COMMD10: variants seen among roughly 807,000 people sequenced by gnomAD.
COMMD10 encodes the protein COMM domain containing 10.
In COMMD10, 33 loss-of-function variants were observed where a neutral mutation model predicts 28.9. The observed-to-expected ratio is 1.14, with a 90% CI of 0.87 to 1.53. The LOEUF (loss-of-function observed/expected upper bound fraction) is 1.53, where lower values mean the gene tolerates loss of function less well. COMMD10 is among the 40% of genes most tolerant of loss of function. The pLI, the probability that COMMD10 is intolerant of heterozygous loss-of-function variation, is 0.00. For missense variants in COMMD10, 310 were observed against 233.4 expected, an observed-to-expected ratio of 1.33 and a Z score of -2.14; for synonymous variants, 110 against 81.7, an observed-to-expected ratio of 1.35 and a Z score of -1.87.
chr5:116,235,223 CAG>C (rs1749630716), intron 5 of COMMD10, among the ~76,000 whole-genome samples: 1 of 152,098 alleles, frequency 6.6e-6, no homozygotes. Context: ...TAGTCAAAAA[CAG>C]AGAACAGATT....
chr5:116,272,890 TA>T (rs1453861007), intron 5 of COMMD10, among the ~76,000 whole-genome samples: 4 of 151,880 alleles, frequency 2.6e-5, no homozygotes, highest in Admixed American at 1.3e-4. Context: ...TGAACAAGAT[TA>T]TTTTTTTCCT....
At chr5:116,292,348 C>T (rs1751386333) in intron 6 of COMMD10, 103 bp from the exon 7 acceptor site, 2 of 564,284 alleles carry the variant, frequency 3.5e-6, no homozygotes, top group Non-Finnish European at 5.9e-6. Context: ...TCATAGTTAC[C>T]AGTGCTATTT....
chr5:116,202,221 A>T (rs1440637794), intron 5 of COMMD10, among the ~76,000 whole-genome samples: 1 of 151,728 alleles, frequency 6.6e-6, no homozygotes, highest in African/African-American at 2.4e-5. Flanking sequence ...TGAACTCATC[A>T]TTTTTATGGC....
In COMMD10 at chr5:116,199,107, C is replaced by A. The variant is rs73257281; in HGVS notation, c.510+64929C>A. On this transcript the variant is annotated intron_variant, in intron 5 of 6. Transcript: ENST00000274458. ...AATGAGGGTTCTTGTTGCTCCTTAT[C>A]CTCACCATCATTTGGTGGTGTCAGT... 7.9e-3 allele frequency among the ~76,000 whole-genome samples: 1,207 copies of A among 152,226 alleles called. 15 individuals carry two copies. Among genetic ancestry groups the A allele is most frequent in the African/African-American group, 0.027 (1,115 of 41,574 alleles).
At chr5:116,167,399 G>T (rs1753160435) in intron 5 of COMMD10, among the ~76,000 whole-genome samples, 1 of 152,118 alleles carries the variant, frequency 6.6e-6, no homozygotes, top group Non-Finnish European at 1.5e-5. Context: ...GGGGAGAATG[G>T]AACCAAGTTG....
intron 5 of COMMD10, among the ~76,000 whole-genome samples, chr5:116,160,351 C>T (rs1752876113): frequency 1.3e-5 from 2 of 152,156 alleles, no homozygotes; most frequent in Admixed American, 6.5e-5. Context: ...TTTGTTCCTG[C>T]ATTTGGCAAT....
intron 5 of COMMD10, among the ~76,000 whole-genome samples, chr5:116,217,450 A>G (rs1749135208): frequency 6.6e-6 from 1 of 152,244 alleles, no homozygotes; most frequent in Admixed American, 6.5e-5. Context: ...GTTGTTTAAC[A>G]ACTTTTCACA....
chr5:116,176,551 C>T (rs1753519529), intron 5 of COMMD10, among the ~76,000 whole-genome samples: 1 of 152,054 alleles, frequency 6.6e-6, no homozygotes, highest in Non-Finnish European at 1.5e-5. Context: ...TCCCTAAGTT[C>T]ATGTTATTAA....
intron 5 of COMMD10, among the ~76,000 whole-genome samples, chr5:116,150,541 G>C (rs1401726938): frequency 1.4e-5 from 2 of 142,872 alleles, no homozygotes; most frequent in East Asian, 2.0e-4. Flanking sequence ...GTTGAGCAGT[G>C]GTTTGTAGTT....
At chr5:116,152,113 T>C (rs923317703) in intron 5 of COMMD10, among the ~76,000 whole-genome samples, 3 of 152,188 alleles carry the variant, frequency 2.0e-5, no homozygotes, top group African/African-American at 7.2e-5. Flanking sequence ...TTTTGTTATG[T>C]ACCCAGTAGT....
chr5:116,242,315 T>C (rs761499880), intron 5 of COMMD10, among the ~76,000 whole-genome samples: 27 of 152,230 alleles, frequency 1.8e-4, no homozygotes, highest in Non-Finnish European at 3.7e-4. Flanking sequence ...AAATTGCCTT[T>C]GTCAGGTTTT....
intron 4 of COMMD10, among the ~76,000 whole-genome samples, chr5:116,117,584 C>T (rs992779189): frequency 1.3e-5 from 2 of 152,184 alleles, no homozygotes; most frequent in African/African-American, 4.8e-5. Flanking sequence ...GTGTCTCAGC[C>T]TCCCGAGTAG....
chr5:116,182,210 G>A lies in COMMD10; in HGVS notation c.510+48032G>A, dbSNP rs568799853. On this transcript the variant is annotated intron_variant, in intron 5 of 6. Coordinates refer to ENST00000274458, the MANE Select transcript of COMMD10 (RefSeq NM_016144.4). ...CAATTGAATGTATACAGGCTTTGAGGCAACAACAACAACAAAAAGTTTCTT... is the reference window on the plus strand; with the variant it reads ...CAATTGAATGTATACAGGCTTTGAGACAACAACAACAACAAAAAGTTTCTT... Among the ~76,000 whole-genome samples the A allele has an allele frequency of 1.2e-4, 19 of 152,064 alleles. No individual in the cohort carries two copies. The South Asian group carries it at 4.0e-3, about 32-fold the overall frequency.
At chr5:116,207,252 A>G (rs1748836509) in intron 5 of COMMD10, among the ~76,000 whole-genome samples, 2 of 152,324 alleles carry the variant, frequency 1.3e-5, no homozygotes, top group Non-Finnish European at 1.5e-5. Context: ...TAAATGTCCA[A>G]TAGCTATGTT....
chr5:116,153,302 C>G (rs1450393205), intron 5 of COMMD10, among the ~76,000 whole-genome samples: 1 of 47,962 alleles, frequency 2.1e-5, no homozygotes, highest in South Asian at 4.8e-4. Flanking sequence ...AAGTGTGGGT[C>G]AGGCTCATTT....
At chr5:116,183,267 A>G (rs1748033179) in intron 5 of COMMD10, among the ~76,000 whole-genome samples, 2 of 152,136 alleles carry the variant, frequency 1.3e-5, no homozygotes, top group Non-Finnish European at 2.9e-5. Flanking sequence ...GAGACTAAGG[A>G]TGATGCCAGA....
intron 5 of COMMD10, among the ~76,000 whole-genome samples, chr5:116,196,132 A>G (rs903873215): frequency 1.3e-5 from 2 of 152,190 alleles, no homozygotes; most frequent in African/African-American, 4.8e-5. Flanking sequence ...GACACTTGCA[A>G]ACACGCATGT....
At chr5:116,250,908 G>C (rs1750094546) in intron 5 of COMMD10, among the ~76,000 whole-genome samples, 1 of 152,010 alleles carries the variant, frequency 6.6e-6, no homozygotes, top group Non-Finnish European at 1.5e-5. Context: ...AACCATATGG[G>C]AAAGGGTGAC....
intron 5 of COMMD10, among the ~76,000 whole-genome samples, chr5:116,180,066 T>C (rs1747897356): frequency 6.6e-6 from 1 of 152,150 alleles, no homozygotes; most frequent in South Asian, 2.1e-4. Flanking sequence ...AAGCTTACTG[T>C]AAAATATAGG....
Sources: allele counts gnomAD v4.1 joint callset (sites outside exome capture counted in the v4.1 genomes callset), GRCh38; gene constraint gnomAD v4.1.1; transcripts MANE v1.5; gene names NCBI Gene and HGNC (gene_info 2026-07-23, HGNC 2026-07-21).